Variants in ARHGEF28 observed in about 807,000 individuals in gnomAD.
ARHGEF28 encodes Rho guanine nucleotide exchange factor 28.
A neutral mutation model predicts 206.6 loss-of-function variants in ARHGEF28; 152 were observed. The observed-to-expected ratio is 0.74, with a 90% CI of 0.64 to 0.84. The LOEUF (loss-of-function observed/expected upper bound fraction) is 0.84. Ranked by LOEUF, ARHGEF28 falls within the 40% of genes least tolerant of loss-of-function variation. The probability of loss-of-function intolerance (pLI) is 0.00; values close to 1 mark genes in which losing one functional copy is unlikely to be tolerated. For synonymous variants in ARHGEF28, 763 were observed against 776.4 expected (o/e 0.98, Z 0.29); for missense variants, 2,028 against 2,073.2 (o/e 0.98, Z 0.42).
intron 9 of ARHGEF28, among the ~76,000 whole-genome samples, chr5:73,827,338 G>T (rs1223612450): frequency 6.6e-6 from 1 of 151,920 alleles, no homozygotes; most frequent in Non-Finnish European, 1.5e-5. Context: ...TTATAGCAGG[G>T]GTTGAAATTA....
chr5:73,725,762 G>T (rs1056145637), intron 2 of ARHGEF28, among the ~76,000 whole-genome samples: 7 of 152,142 alleles, frequency 4.6e-5, no homozygotes, highest in African/African-American at 1.7e-4. Flanking sequence ...GATTTGTAAA[G>T]CCAGGTCTAT....
chr5:73,633,682 T>C (rs1193799960), intron 1 of ARHGEF28, among the ~76,000 whole-genome samples: 1 of 147,592 alleles, frequency 6.8e-6, no homozygotes, highest in African/African-American at 2.5e-5. Context: ...GTTCAAGCAA[T>C]TCTCCCGTCT....
chr5:73,702,672 C>T (rs2112289646), intron 2 of ARHGEF28, among the ~76,000 whole-genome samples: 2 of 152,318 alleles, frequency 1.3e-5, no homozygotes, highest in East Asian at 3.9e-4. Context: ...CACAAGTGTC[C>T]TATTTTCTCC....
rs182783644 is a variant in ARHGEF28, at chr5:73,832,312, G to T, written c.1025-26G>T. On this transcript the variant is annotated intron_variant, in intron 9 of 35. Coordinates refer to ENST00000513042, the MANE Select transcript of ARHGEF28 (RefSeq NM_001177693.2). Reference sequence around the variant, plus strand: ...AAAATAAGCCCCTTCTCCTTTATTTGCCCTGTTTTCATTTTTGTACTCTAG... The same window carrying T: ...AAAATAAGCCCCTTCTCCTTTATTTTCCCTGTTTTCATTTTTGTACTCTAG... 3,775 of 1,609,958 alleles carry T rather than the reference G, an allele frequency of 2.3e-3. 6 individuals carry two copies. Among genetic ancestry groups the T allele is most frequent in the Non-Finnish European group, 2.5e-3 (2,913 of 1,177,616 alleles).
At chr5:73,734,595 A>G (rs1419487312) in intron 2 of ARHGEF28, among the ~76,000 whole-genome samples, 1 of 152,140 alleles carries the variant, frequency 6.6e-6, no homozygotes, top group African/African-American at 2.4e-5. Context: ...GTGCCCTCAT[A>G]AGCTAGTGCT....
intron 35 of ARHGEF28, among the ~76,000 whole-genome samples, chr5:73,912,797 A>G (rs1441136050): frequency 6.6e-6 from 1 of 152,254 alleles, no homozygotes; most frequent in Non-Finnish European, 1.5e-5. Flanking sequence ...AATAGAGAGC[A>G]GATTGCAGAA....
intron 35 of ARHGEF28, among the ~76,000 whole-genome samples, chr5:73,917,961 C>T (rs938430591): frequency 2.6e-5 from 4 of 152,148 alleles, no homozygotes; most frequent in Non-Finnish European, 4.4e-5. Flanking sequence ...AGGCTTGCTG[C>T]CTTCAGTCAC....
At chr5:73,929,189 CA>C (rs1157381622) in intron 35 of ARHGEF28, among the ~76,000 whole-genome samples, 2 of 152,154 alleles carry the variant, frequency 1.3e-5, no homozygotes, top group Non-Finnish European at 2.9e-5. Flanking sequence ...TAAACATATA[CA>C]AAATTATAAT....
At chr5:73,861,518 C>G (rs115556660) in intron 16 of ARHGEF28, among the ~76,000 whole-genome samples, 1 of 152,074 alleles carries the variant, frequency 6.6e-6, no homozygotes. Context: ...CTGCAACCAC[C>G]GCCTCCCAGG....
At chr5:73,687,107 A>G (rs1456577568) in intron 2 of ARHGEF28, among the ~76,000 whole-genome samples, 1 of 152,128 alleles carries the variant, frequency 6.6e-6, no homozygotes, top group Admixed American at 6.5e-5. Flanking sequence ...GTTTATTTAT[A>G]TACCTTGCTG....
At chr5:73,939,930 G>A (rs1011351299) in intron 35 of ARHGEF28, among the ~76,000 whole-genome samples, 6 of 151,988 alleles carry the variant, frequency 3.9e-5, no homozygotes, top group Admixed American at 2.6e-4. Context: ...TGTAGTAGGT[G>A]TATGTGGCCT....
intron 34 of ARHGEF28, among the ~76,000 whole-genome samples, chr5:73,910,844 G>T (rs915628533): frequency 6.6e-6 from 1 of 152,098 alleles, no homozygotes; most frequent in African/African-American, 2.4e-5. Context: ...TTTTTTTACT[G>T]ATAGTGCCTA....
chr5:73,753,253 A>G, intron 4 of ARHGEF28, 51 bp downstream of exon 4: 2 of 1,493,876 alleles, frequency 1.3e-6, no homozygotes, highest in Non-Finnish European at 1.8e-6. Context: ...TCAAGTTCAG[A>G]ATGTACCTTA....
chr5:73,787,224 C>T (rs1315573481), intron 7 of ARHGEF28, among the ~76,000 whole-genome samples: 1 of 152,194 alleles, frequency 6.6e-6, no homozygotes, highest in Non-Finnish European at 1.5e-5. Flanking sequence ...GGCCGTTCTG[C>T]AGAGCTGATC....
intron 35 of ARHGEF28, among the ~76,000 whole-genome samples, chr5:73,916,251 A>T (rs556664121): frequency 2.0e-5 from 3 of 152,306 alleles, no homozygotes; most frequent in African/African-American, 7.2e-5. Flanking sequence ...TTACTTGTGT[A>T]ATCTATATGG....
chr5:73,918,469 A>G (rs1421693967), intron 35 of ARHGEF28, among the ~76,000 whole-genome samples: 6 of 152,234 alleles, frequency 3.9e-5, no homozygotes, highest in Non-Finnish European at 7.3e-5. Flanking sequence ...GCAATATTAT[A>G]TGGCATTTCA....
intron 2 of ARHGEF28, among the ~76,000 whole-genome samples, chr5:73,736,036 G>A (rs1475254738): frequency 6.6e-6 from 1 of 152,212 alleles, no homozygotes; most frequent in Non-Finnish European, 1.5e-5. Context: ...AGAAAGGATA[G>A]GTCTTGTCGT....
chr5:73,858,191 C>T lies in ARHGEF28; in HGVS notation c.2019C>T (p.Leu673=), dbSNP rs1036583610. 3 of 1,605,696 alleles carry T rather than the reference C, an allele frequency of 1.9e-6. No homozygotes were observed. Among genetic ancestry groups the T allele is most frequent in the East Asian group, 4.5e-5 (2 of 44,816 alleles). The change falls in exon 16 of 36, where the codon CTC becomes CTT. Residue 673 remains leucine (L), a synonymous_variant. Coordinates refer to ENST00000513042, the MANE Select transcript of ARHGEF28 (RefSeq NM_001177693.2). ...VLQCLVCDKT[L]LGKESLQCSN... The stretch of plus-strand genomic sequence containing the variant: ...AGTGTTTGGTTTGTGATAAAACACT[C>T]CTGGGGAAAGAGTCACTGCAGTGTT...
intron 7 of ARHGEF28, among the ~76,000 whole-genome samples, chr5:73,787,456 T>C (rs1462058831): frequency 6.6e-6 from 1 of 152,168 alleles, no homozygotes; most frequent in Non-Finnish European, 1.5e-5. Context: ...GTTACATAGG[T>C]ATACACGTGC....
Sources: allele counts gnomAD v4.1 joint callset (sites outside exome capture counted in the v4.1 genomes callset), GRCh38; gene constraint gnomAD v4.1.1; transcripts MANE v1.5; gene names NCBI Gene and HGNC (gene_info 2026-07-23, HGNC 2026-07-21).